The following SLAMF1 variants were observed in gnomAD, a reference collection of about 807,000 sequenced individuals.
The protein encoded by SLAMF1 is signaling lymphocytic activation molecule.
A neutral mutation model predicts 35.1 loss-of-function variants in SLAMF1; 18 were observed. The observed-to-expected ratio is 0.51, with a 90% CI of 0.35 to 0.76. SLAMF1 has a LOEUF of 0.76. SLAMF1 is among the 30% of genes least tolerant of loss of function. SLAMF1 has a pLI of 0.01. For missense variants in SLAMF1, 392 were observed against 413.0 expected (o/e 0.95, Z 0.44); for synonymous variants, 168 against 157.2 (o/e 1.07, Z -0.51).
intron 3 of SLAMF1, among the ~76,000 whole-genome samples, chr1:160,625,805 T>C (rs1371542740): frequency 2.6e-5 from 4 of 151,406 alleles, no homozygotes; most frequent in African/African-American, 9.7e-5. Flanking sequence ...TTATGGTCAC[T>C]GAGAACCCTC....
At chr1:160,616,604 A>G (rs1338805264) in intron 5 of SLAMF1, among the ~76,000 whole-genome samples, 5 of 152,260 alleles carry the variant, frequency 3.3e-5, no homozygotes. Context: ...GGTATTTGCT[A>G]ACATATCTGC....
intron 5 of SLAMF1, among the ~76,000 whole-genome samples, chr1:160,616,258 G>C (rs1285382291): frequency 1.3e-5 from 2 of 152,038 alleles, no homozygotes; most frequent in South Asian, 2.1e-4. Flanking sequence ...TGTGATTAAA[G>C]AAGAGTCCAG....
At chr1:160,619,704 A>G (rs1659501597) in intron 5 of SLAMF1, 72 bp downstream of exon 5, 1 of 973,044 alleles carries the variant, frequency 1.0e-6, no homozygotes, top group African/African-American at 1.6e-5. Flanking sequence ...AATGTCCAAC[A>G]GGCAAGGTAG....
chr1:160,615,688 G>T (rs1004740642), intron 5 of SLAMF1: 2 of 293,782 alleles, frequency 6.8e-6, no homozygotes, highest in South Asian at 3.1e-5. Context: ...TTGAATAAAG[G>T]TCTTCACAGA....
At position 160,634,496 on chromosome 1, in the gene SLAMF1, AG is replaced by A; in HGVS notation, c.700+116del. ...CATGGTAAACTTTTGCAAACTATAA[AG>A]AAAATGTAAAGTATTGTTACTAAGG... On this transcript the variant is annotated intron_variant, in intron 3 of 6. Transcript: ENST00000302035. 2.1e-6 allele frequency: 3 copies of A among 1,421,312 alleles called. No homozygotes were observed. In the South Asian group the frequency reaches 4.3e-5, roughly 20 times the overall value. The allele number at this position is 1,421,312 out of a possible 1,614,324, so 88.0% of individuals were successfully genotyped here.
intron 1 of SLAMF1, among the ~76,000 whole-genome samples, chr1:160,641,147 T>G (rs1660723007): frequency 6.6e-6 from 1 of 152,206 alleles, no homozygotes; most frequent in African/African-American, 2.4e-5. Context: ...TATAAAAAGT[T>G]GTATAGATGA....
chr1:160,639,401 AT>A (rs1187509162), intron 1 of SLAMF1, among the ~76,000 whole-genome samples: 1 of 151,886 alleles, frequency 6.6e-6, no homozygotes, highest in East Asian at 1.9e-4. Flanking sequence ...AATTTTTTGT[AT>A]TTTTAGTAAA....
At chr1:160,622,703 C>T (rs113598169) in intron 4 of SLAMF1, among the ~76,000 whole-genome samples, 4,610 of 152,240 alleles carry the variant, frequency 0.03, 66 homozygotes, top group South Asian at 0.042. Context: ...GTTTTGCAGA[C>T]GAGAAGTTAA....
In SLAMF1 at chr1:160,610,754, CT is replaced by C. The variant is rs1658937175; in HGVS notation, c.1001del (p.Glu334GlyfsTer58). ...CCTTTGTTGGTCTCTGGTGTCAGCT[CT>C]CTGGAAGTGTCACACTAGCATAGAC... Reference protein sequence around the residue: ...ITVYASVTLPES With the variant: ...ITVYASVTLPXS On this transcript the variant is annotated frameshift_variant, in exon 7 of 7. Coordinates refer to ENST00000302035, the MANE Select transcript of SLAMF1 (RefSeq NM_003037.5). LOFTEE classifies it high-confidence loss of function. The C allele has an allele frequency of 6.2e-7, 1 of 1,612,476 alleles. No individual in the cohort carries two copies. Among genetic ancestry groups the C allele is most frequent in the African/African-American group, 1.3e-5 (1 of 74,864 alleles).
chr1:160,634,755 G>T lies in SLAMF1; in HGVS notation c.558C>A (p.Asn186Lys). 1 of 1,614,172 alleles carries T rather than the reference G, an allele frequency of 6.2e-7. No individual in the cohort carries two copies. The highest frequency in any genetic ancestry group is 8.5e-7 in the Non-Finnish European group (1 of 1,180,024). ...ACAGGAGGTGGGAGCTGTTGGCTGGGTTCAGTGGGTGGGTGCCCGCCTTTT... is the reference window on the plus strand; with the variant it reads ...ACAGGAGGTGGGAGCTGTTGGCTGGTTTCAGTGGGTGGGTGCCCGCCTTTT... ...WSEKAGTHPLNPANSSHLLSL... is the reference protein window; with the variant it reads ...WSEKAGTHPLKPANSSHLLSL... The change falls in exon 3 of 7, where the codon AAC (asparagine) becomes AAA (lysine). Residue 186 changes from asparagine (N) to lysine (K), a missense_variant. By Grantham distance (94) the Asn-to-Lys change is moderately conservative (BLOSUM62 0). Coordinates refer to ENST00000302035, the MANE Select transcript of SLAMF1 (RefSeq NM_003037.5).
Position 160,637,256 on chromosome 1 carries a change from C to A in SLAMF1, c.350G>T (p.Trp117Leu). ...ATTTTTCTCCAGGGTCATAAGGTAC[C>A]ATCCCTCATCCTCCTTCCTGCTTTC... ...IRESRKEDEG[W>L]YLMTLEKNVS... The change falls in exon 2 of 7, where the codon TGG becomes TTG. Residue 117 changes from tryptophan (W) to leucine (L), a missense_variant. Physicochemically the swap from Trp to Leu is moderately conservative, Grantham distance 61. Coordinates refer to ENST00000302035, the MANE Select transcript of SLAMF1 (RefSeq NM_003037.5). 6.2e-7 allele frequency: 1 copy of A among 1,614,090 alleles called. No individual in the cohort carries two copies. Among genetic ancestry groups the A allele is most frequent in the Non-Finnish European group, 8.5e-7 (1 of 1,180,004 alleles).
intron 1 of SLAMF1, among the ~76,000 whole-genome samples, chr1:160,639,509 G>A (rs1660631890): frequency 6.6e-6 from 1 of 152,138 alleles, no homozygotes; most frequent in South Asian, 2.1e-4. Context: ...TTACAGGCAT[G>A]AGCCACTGTG....
rs371171606 is a variant in SLAMF1, at chr1:160,630,730, A to G, written c.700+3883T>C. The stretch of plus-strand genomic sequence containing the variant: ...ACTTCCCTGCCCCAGTCTGTTCTCT[A>G]TACTACTGGAGTTCCTCTTTGAAAA... On this transcript the variant is annotated intron_variant, in intron 3 of 6. Transcript: ENST00000302035. Among the ~76,000 whole-genome samples the G allele has an allele frequency of 2.0e-4, 31 of 152,060 alleles. No individual in the cohort carries two copies. The South Asian group carries it at 6.0e-3, about 30-fold the overall frequency.
chr1:160,635,749 T>G (rs1660419875), intron 2 of SLAMF1, among the ~76,000 whole-genome samples: 1 of 151,074 alleles, frequency 6.6e-6, no homozygotes, highest in Non-Finnish European at 1.5e-5. Context: ...TTTTTTTTTT[T>G]TTTGTATTTT....
In SLAMF1 at chr1:160,610,097, G is replaced by A. The variant is rs1160644749; in HGVS notation, c.*651C>T. On this transcript the variant is annotated 3_prime_UTR_variant, in exon 7 of 7. Coordinates refer to ENST00000302035, the MANE Select transcript of SLAMF1 (RefSeq NM_003037.5). ...TCCAGTCCACTGTTCAAAACTCAGA[G>A]ATCTCAAAATCATTCTTTCTGTTTA... 1.2e-5 allele frequency: 4 copies of A among 335,560 alleles called. No homozygotes were observed. Among genetic ancestry groups the A allele is most frequent in the Non-Finnish European group, 2.3e-5 (4 of 171,430 alleles). The allele number at this position is 335,560 out of a possible 1,614,324, so 20.8% of individuals were successfully genotyped here.
intron 3 of SLAMF1, among the ~76,000 whole-genome samples, chr1:160,628,723 G>A (rs538385678): frequency 6.6e-6 from 1 of 152,174 alleles, no homozygotes; most frequent in Non-Finnish European, 1.5e-5. Flanking sequence ...AGACTGTCAC[G>A]TAGCTTTCTG....
chr1:160,621,944 G>C (rs1227677431), intron 4 of SLAMF1, among the ~76,000 whole-genome samples: 1 of 151,708 alleles, frequency 6.6e-6, no homozygotes, highest in Non-Finnish European at 1.5e-5. Context: ...GTTCAAGTTA[G>C]TCCCCACGAG....
Position 160,642,086 on chromosome 1 carries a change from C to T in SLAMF1, c.77-4557G>A, listed in dbSNP as rs778689884. On this transcript the variant is annotated intron_variant, in intron 1 of 6. Coordinates refer to ENST00000302035, the MANE Select transcript of SLAMF1 (RefSeq NM_003037.5). The surrounding 1 kb of genome is among the most constrained non-coding windows in gnomAD (Gnocchi z 4.2). ...TTTCATATGTGCTTTTAGCATCTTG[C>T]TACAGTATTCTTTCAGGTACAGAAG... Among the ~76,000 whole-genome samples, 3 of 152,114 alleles carry T rather than the reference C, an allele frequency of 2.0e-5. No homozygotes were observed. Among genetic ancestry groups the T allele is most frequent in the Non-Finnish European group, 4.4e-5 (3 of 68,018 alleles).
chr1:160,616,999 T>G (rs1659335152), intron 5 of SLAMF1, among the ~76,000 whole-genome samples: 1 of 151,864 alleles, frequency 6.6e-6, no homozygotes, highest in Non-Finnish European at 1.5e-5. Flanking sequence ...CTACTAAAAA[T>G]ACAACAATGA....
Sources: allele counts gnomAD v4.1 joint callset (sites outside exome capture counted in the v4.1 genomes callset), GRCh38; gene constraint gnomAD v4.1.1; non-coding constraint Gnocchi (gnomAD v3.1); transcripts MANE v1.5; gene names NCBI Gene and HGNC (gene_info 2026-07-23, HGNC 2026-07-21).